The following CSMD3 variants were observed in gnomAD, a reference collection of about 807,000 sequenced individuals.
The protein encoded by CSMD3 is CUB and sushi domain-containing protein 3.
A neutral mutation model predicts 435.2 loss-of-function variants in CSMD3; 177 were observed. The observed-to-expected ratio is 0.41, with a 90% confidence interval of 0.36 to 0.46. CSMD3 has a LOEUF of 0.46. Ranked by LOEUF, CSMD3 falls within the 20% of genes least tolerant of loss-of-function variation. CSMD3 has a pLI of 0.34. For missense variants in CSMD3, 4,265 were observed against 4,504.6 expected (o/e 0.95, Z 1.52); for synonymous variants, 1,656 against 1,520.5 (o/e 1.09, Z -2.07).
chr8:113,427,131 T>C (rs1031311147), intron 1 of CSMD3, among the ~76,000 whole-genome samples: 3 of 151,552 alleles, frequency 2.0e-5, no homozygotes, highest in South Asian at 2.1e-4. Flanking sequence ...CTAGTTTATA[T>C]TGGGAGAGTC....
At chr8:112,732,006 C>T (rs1051534982) in intron 13 of CSMD3, among the ~76,000 whole-genome samples, 1 of 151,842 alleles carries the variant, frequency 6.6e-6, no homozygotes, top group African/African-American at 2.4e-5. Flanking sequence ...TCAGGGCCAG[C>T]GCATGAAAGG....
chr8:112,296,117 C>T, intron 53 of CSMD3, 111 bp from the exon 54 acceptor site: 1 of 803,454 alleles, frequency 1.2e-6, no homozygotes, highest in South Asian at 1.5e-5. Flanking sequence ...AAGCAAGCAA[C>T]AAATAATTCA....
intron 10 of CSMD3, among the ~76,000 whole-genome samples, chr8:112,895,973 A>G (rs2081939301): frequency 1.3e-5 from 2 of 151,506 alleles, no homozygotes; most frequent in Admixed American, 6.6e-5. Context: ...TCCTTTCTCA[A>G]TAATGAAATC....
chr8:112,848,598 T>C (rs532334470), intron 11 of CSMD3, among the ~76,000 whole-genome samples: 2 of 152,192 alleles, frequency 1.3e-5, no homozygotes, highest in South Asian at 2.1e-4. Flanking sequence ...AATAAGCATA[T>C]ATAATTCCTT....
At chr8:112,473,742 T>TTTA (rs1554584253) in intron 31 of CSMD3, among the ~76,000 whole-genome samples, 1 of 149,528 alleles carries the variant, frequency 6.7e-6, no homozygotes, top group East Asian at 2.0e-4. Flanking sequence ...TTTTTTTTTT[T>TTTA]AACACCTTGC....
chr8:112,461,643 T>C (rs1389739704), intron 32 of CSMD3, among the ~76,000 whole-genome samples: 1 of 152,160 alleles, frequency 6.6e-6, no homozygotes, highest in Non-Finnish European at 1.5e-5. Flanking sequence ...CAAAGTTATC[T>C]TGGAGGTATT....
intron 13 of CSMD3, among the ~76,000 whole-genome samples, chr8:112,693,046 T>C (rs570069217): frequency 2.0e-5 from 3 of 152,110 alleles, no homozygotes; most frequent in Non-Finnish European, 4.4e-5. Flanking sequence ...GGCTATTGAA[T>C]CATATCCTTA....
chr8:112,464,606 A>C (rs1285094327), intron 32 of CSMD3, among the ~76,000 whole-genome samples: 1 of 152,280 alleles, frequency 6.6e-6, no homozygotes, highest in South Asian at 2.1e-4. Context: ...GAAATACAAA[A>C]TTAAAAGAGA....
rs566691393 is a variant in CSMD3, at chr8:113,100,066, A to C, written c.710-1103T>G. On this transcript the variant is annotated intron_variant, in intron 4 of 70. Coordinates refer to ENST00000297405, the MANE Select transcript of CSMD3 (RefSeq NM_198123.2). Reference sequence around the variant, plus strand: ...TCCATGATGGGTAGAACATAAAAAAAATTGCTTTGTTATTAGAGACAACTT... The same window carrying C: ...TCCATGATGGGTAGAACATAAAAAACATTGCTTTGTTATTAGAGACAACTT... 8.5e-4 allele frequency among the ~76,000 whole-genome samples: 129 copies of C among 152,196 alleles called. 2 individuals are homozygous for C. The highest frequency in any genetic ancestry group is 1.5e-3 in the South Asian group (7 of 4,820).
At chr8:112,773,520 C>A (rs1261168349) in intron 13 of CSMD3, among the ~76,000 whole-genome samples, 1 of 152,040 alleles carries the variant, frequency 6.6e-6, no homozygotes, top group East Asian at 1.9e-4. Flanking sequence ...GGTATCTCAA[C>A]TTTCCAAAGC....
intron 13 of CSMD3, among the ~76,000 whole-genome samples, chr8:112,743,567 A>T (rs1384452850): frequency 6.6e-6 from 1 of 151,874 alleles, no homozygotes; most frequent in East Asian, 1.9e-4. Flanking sequence ...ACAAAAACTT[A>T]AAAAAATCCT....
chr8:112,974,129 C>T (rs1033629106), intron 7 of CSMD3, among the ~76,000 whole-genome samples: 1 of 151,786 alleles, frequency 6.6e-6, no homozygotes, highest in Non-Finnish European at 1.5e-5. Flanking sequence ...TGGGAATCTA[C>T]CCGGGAAGTA....
intron 38 of CSMD3, among the ~76,000 whole-genome samples, chr8:112,361,570 T>C (rs1242150021): frequency 2.6e-5 from 1 of 38,800 alleles, no homozygotes; most frequent in Admixed American, 2.5e-4. Flanking sequence ...TATATACACA[T>C]ACATATATAT....
At chr8:113,431,985 C>G (rs531406938) in intron 1 of CSMD3, among the ~76,000 whole-genome samples, 1 of 152,096 alleles carries the variant, frequency 6.6e-6, no homozygotes. Flanking sequence ...TGGAACGAAG[C>G]CTTTGCTCCT....
At chr8:112,835,959 G>A (rs935813429) in intron 11 of CSMD3, among the ~76,000 whole-genome samples, 1 of 151,826 alleles carries the variant, frequency 6.6e-6, no homozygotes, top group African/African-American at 2.4e-5. Context: ...TAACCACTCT[G>A]TGTAGCTTCA....
At chr8:113,228,806 A>C (rs950678142) in intron 3 of CSMD3, among the ~76,000 whole-genome samples, 7 of 151,628 alleles carry the variant, frequency 4.6e-5, no homozygotes, top group African/African-American at 1.7e-4. Flanking sequence ...TCCAAACAGC[A>C]TAACAAAGGG....
rs184640446 is a variant in CSMD3 at position 113,169,659 on chromosome 8, A to C, written c.709+4063T>G. ...TCAAAAGTATGTGTCTCTTTTACAT[A>C]CAATTCTATTAGTTTTTCCTGGGGT... On this transcript the variant is annotated intron_variant, in intron 4 of 70. Coordinates refer to ENST00000297405, the MANE Select transcript of CSMD3 (RefSeq NM_198123.2). 1.0e-3 allele frequency among the ~76,000 whole-genome samples: 152 copies of C among 152,306 alleles called. 1 individual carries two copies. The highest frequency in any genetic ancestry group is 1.8e-3 in the Non-Finnish European group (125 of 68,018).
At chr8:112,666,483 C>A (rs2131709006) in intron 16 of CSMD3, 68 bp from the exon 17 acceptor site, 2 of 1,376,542 alleles carry the variant, frequency 1.5e-6, no homozygotes, top group Non-Finnish European at 2.0e-6. Flanking sequence ...ATTCTTAATA[C>A]AAACAATTTC....
Position 112,406,372 on chromosome 8 carries a change from A to C in CSMD3, c.5809+152T>G, listed in dbSNP as rs868535288. ...ACCAAGACAATTGCAACAAATCTCC[A>C]CTGATTTTTCATATTTATATAAAGC... On this transcript the variant is annotated intron_variant, in intron 35 of 70. Transcript: ENST00000297405. 6.5e-5 allele frequency: 30 copies of C among 461,036 alleles called. No homozygotes were observed. In the South Asian group the frequency reaches 1.4e-3, roughly 22 times the overall value. The allele number at this position is 461,036 out of a possible 1,614,324, so 28.6% of individuals were successfully genotyped here. A position where few individuals can be genotyped will look rare whatever the true frequency, so the allele number is the denominator to read the frequency against.
Sources: allele counts gnomAD v4.1 joint callset (sites outside exome capture counted in the v4.1 genomes callset), GRCh38; gene constraint gnomAD v4.1.1; transcripts MANE v1.5; gene names NCBI Gene and HGNC (gene_info 2026-07-23, HGNC 2026-07-21).